RPS6KA2: variants seen among roughly 807,000 people sequenced by gnomAD.
The protein encoded by RPS6KA2 is ribosomal protein S6 kinase alpha-2.
RPS6KA2 carries 42 observed loss-of-function variants against 91.8 expected under a neutral mutation model. The observed-to-expected ratio is 0.46, with a 90% CI of 0.36 to 0.59. The LOEUF is 0.59. Ranked by LOEUF, RPS6KA2 falls within the 20% of genes least tolerant of loss-of-function variation. The probability of loss-of-function intolerance (pLI) is 0.00; values close to 1 mark genes in which losing one functional copy is unlikely to be tolerated. For synonymous variants in RPS6KA2, 414 were observed against 393.6 expected, an observed-to-expected ratio of 1.05 and a Z score of -0.61; for missense variants, 798 against 978.5, an observed-to-expected ratio of 0.82 and a Z score of 2.46.
intron 2 of RPS6KA2, among the ~76,000 whole-genome samples, chr6:166,807,933 TA>T (rs2128619685): frequency 6.6e-6 from 1 of 152,156 alleles, no homozygotes; most frequent in African/African-American, 2.4e-5. Context: ...ATAATTTAAC[TA>T]ATGAGGCAGC....
In RPS6KA2 at chr6:166,508,232, C is replaced by G. The variant is rs779800296; in HGVS notation, c.430G>C (p.Gly144Arg). 3.7e-6 allele frequency: 6 copies of G among 1,613,598 alleles called. No homozygotes were observed. Among genetic ancestry groups the G allele is most frequent in the Non-Finnish European group, 5.1e-6 (6 of 1,179,622 alleles). The change falls in exon 5 of 21, where the codon GGG (glycine) becomes CGG (arginine). Residue 144 changes from glycine (G) to arginine (R), a missense_variant. Gly to Arg is a moderately radical substitution (Grantham distance 125, BLOSUM62 -2). Coordinates refer to ENST00000265678, the MANE Select transcript of RPS6KA2 (RefSeq NM_021135.6). This position sits in a 1 kb window ranked among gnomAD's most constrained non-coding sequence, Gnocchi z 4.3. ...TTGGAGAGCCGGGTGAAGAGGTCCC[C>G]TCCCCGCAGGAAGTCCAGGATCAGG... ...LYLILDFLRG[G>R]DLFTRLSKEV...
chr6:166,592,887 A>G (rs1209142266), intron 1 of RPS6KA2, among the ~76,000 whole-genome samples: 1 of 152,222 alleles, frequency 6.6e-6, no homozygotes, highest in Non-Finnish European at 1.5e-5. Context: ...ATCATTAGAC[A>G]TCGGAGACCA....
At chr6:166,429,703 A>G (rs1315574492) in intron 16 of RPS6KA2, among the ~76,000 whole-genome samples, 1 of 152,116 alleles carries the variant, frequency 6.6e-6, no homozygotes, top group East Asian at 1.9e-4. Context: ...CACCTGCATC[A>G]GCCTCCCAAA....
In RPS6KA2 at chr6:166,760,205, C is replaced by T. The variant is rs1456444699; in HGVS notation, c.123+97995G>A. Reference sequence around the variant, plus strand: ...TCCCAGCTTAGGCAAATCAGGGGCACCTGGGGAATGGCGATTTGGAGAGAG... The same window carrying T: ...TCCCAGCTTAGGCAAATCAGGGGCATCTGGGGAATGGCGATTTGGAGAGAG... On this transcript the variant is annotated intron_variant, in intron 2 of 21. Coordinates refer to the RPS6KA2 transcript ENST00000503859. Among the ~76,000 whole-genome samples the T allele has an allele frequency of 2.0e-5, 3 of 152,218 alleles. No homozygotes were observed. In the East Asian group the frequency reaches 5.8e-4, roughly 29 times the overall value.
intron 2 of RPS6KA2, among the ~76,000 whole-genome samples, chr6:166,833,436 CCTTT>C (rs558563296): frequency 2.0e-5 from 3 of 152,340 alleles, no homozygotes; most frequent in South Asian, 4.1e-4. Context: ...GAATTCACTT[CCTTT>C]AAGTGTAGAG....
rs192650730 is a variant in RPS6KA2 at position 166,666,532 on chromosome 6, C to G, written c.124-127748G>C. Among the ~76,000 whole-genome samples, 2 of 152,150 alleles carry G rather than the reference C, an allele frequency of 1.3e-5. No individual in the cohort carries two copies. The highest frequency in any genetic ancestry group is 2.9e-5 in the Non-Finnish European group (2 of 68,024). On this transcript the variant is annotated intron_variant, in intron 2 of 21. Coordinates refer to the RPS6KA2 transcript ENST00000503859. This position sits in a 1 kb window ranked among gnomAD's most constrained non-coding sequence, Gnocchi z 4.0. ...CCAGTCACTAATCCTTAGGGAAATG[C>G]AAATCAACACCACAAGCAAATCAAC...
Position 166,749,899 on chromosome 6 carries a change from A to T in RPS6KA2, c.123+108301T>A, listed in dbSNP as rs573579104. ...TTCCTTCCCCCTTTCCACCACACAG[A>T]CTAAGGCAGGAGGCTGGGCAAGGGG... On this transcript the variant is annotated intron_variant, in intron 2 of 21. Coordinates refer to the RPS6KA2 transcript ENST00000503859. Among the ~76,000 whole-genome samples, 7 of 151,022 alleles carry T rather than the reference A, an allele frequency of 4.6e-5. No individual in the cohort carries two copies. In the East Asian group the frequency reaches 1.2e-3, roughly 26 times the overall value.
At chr6:166,539,493 G>A (rs11755127) in intron 1 of RPS6KA2, among the ~76,000 whole-genome samples, 33,146 of 152,144 alleles carry the variant, frequency 0.22, 4,005 homozygotes, top group East Asian at 0.43. Context: ...CAGACGGCTT[G>A]TCCTCCTTCT....
At chr6:166,475,145 G>A (rs1011235551) in intron 10 of RPS6KA2, among the ~76,000 whole-genome samples, 6 of 150,630 alleles carry the variant, frequency 4.0e-5, no homozygotes, top group Non-Finnish European at 8.8e-5. Flanking sequence ...CCTCTATCGT[G>A]GGATGTGCCC....
intron 1 of RPS6KA2, among the ~76,000 whole-genome samples, chr6:166,541,134 C>A (rs16899119): frequency 0.057 from 8,683 of 152,194 alleles, 870 homozygotes; most frequent in African/African-American, 0.2. Context: ...TGTGTTAATG[C>A]GACGCCCACA....
At chr6:166,504,634 C>G (rs577316960) in intron 5 of RPS6KA2, 22 bp from the exon 6 acceptor site, 2 of 1,518,336 alleles carry the variant, frequency 1.3e-6, no homozygotes, top group Non-Finnish European at 1.8e-6. Flanking sequence ...AAAACAAAAA[C>G]AAAAACAAAA....
In RPS6KA2 at chr6:166,800,367, G is replaced by T. The variant is rs1488919693; in HGVS notation, c.123+57833C>A. Among the ~76,000 whole-genome samples, 4 of 152,182 alleles carry T rather than the reference G, an allele frequency of 2.6e-5. No individual in the cohort carries two copies. The East Asian group carries it at 7.7e-4, about 29-fold the overall frequency. On this transcript the variant is annotated intron_variant, in intron 2 of 21. Coordinates refer to the RPS6KA2 transcript ENST00000503859. ...GCACAGTCTAGGGCTCTGCATTCTG[G>T]CCTCCTGCCACATCCAGGGCGCTGA... is the stretch of plus-strand genomic sequence containing the variant.
Position 166,490,181 on chromosome 6 carries a change from G to A in RPS6KA2, c.818+490C>T, listed in dbSNP as rs760875503. Among the ~76,000 whole-genome samples the A allele has an allele frequency of 1.3e-5, 2 of 152,178 alleles. No homozygotes were observed. Among genetic ancestry groups the A allele is most frequent in the African/African-American group, 2.4e-5 (1 of 41,428 alleles). ...ACATGGTAAAACGATACCGAGTCCT[G>A]CCAAGGTCAACCAGGAGTGCTATAT... On this transcript the variant is annotated intron_variant, in intron 9 of 20. Transcript: ENST00000265678. This position sits in a 1 kb window ranked among gnomAD's most constrained non-coding sequence, Gnocchi z 4.2.
In RPS6KA2 at chr6:166,508,923, C is replaced by T. The variant is rs372016188; in HGVS notation, c.380-641G>A. ...TCAGCAAGGGCCTGCCTCTGTTGAG[C>T]GGGCGCATGAGCACGGGAGGGTCTA... is the stretch of plus-strand genomic sequence containing the variant. On this transcript the variant is annotated intron_variant, in intron 4 of 20. Coordinates refer to ENST00000265678, the MANE Select transcript of RPS6KA2 (RefSeq NM_021135.6). The surrounding 1 kb of genome is among the most constrained non-coding windows in gnomAD (Gnocchi z 4.3). Among the ~76,000 whole-genome samples, 3 of 152,172 alleles carry T rather than the reference C, an allele frequency of 2.0e-5. No individual in the cohort carries two copies. The highest frequency in any genetic ancestry group is 3.9e-4 in the East Asian group (2 of 5,192).
intron 1 of RPS6KA2, among the ~76,000 whole-genome samples, chr6:166,578,829 A>G (rs1318645931): frequency 6.6e-6 from 1 of 152,216 alleles, no homozygotes; most frequent in Non-Finnish European, 1.5e-5. Flanking sequence ...CACAGAGAAA[A>G]GTGTCAATTG....
At chr6:166,682,352 G>A (rs981601308) in intron 2 of RPS6KA2, among the ~76,000 whole-genome samples, 1 of 152,230 alleles carries the variant, frequency 6.6e-6, no homozygotes, top group African/African-American at 2.4e-5. Context: ...GTCTGGCTCA[G>A]TATCCACGTT....
chr6:166,413,021 G>T, intron 20 of RPS6KA2, 134 bp from the exon 21 acceptor site: 2 of 974,616 alleles, frequency 2.1e-6, no homozygotes, highest in Non-Finnish European at 2.9e-6. Flanking sequence ...GGTCCCTGGA[G>T]CATGGAGTGC....
At chr6:166,442,322 C>T (rs561612838) in intron 14 of RPS6KA2, among the ~76,000 whole-genome samples, 31 of 152,210 alleles carry the variant, frequency 2.0e-4, no homozygotes, top group Non-Finnish European at 2.2e-4. Flanking sequence ...CGCCTTATGA[C>T]GAGTGAGTCT....
At chr6:166,760,519 T>G (rs1435800269) in intron 2 of RPS6KA2, among the ~76,000 whole-genome samples, 2 of 152,266 alleles carry the variant, frequency 1.3e-5, no homozygotes, top group African/African-American at 4.8e-5. Flanking sequence ...GGTTTGAGAC[T>G]GTGAGGACTC....
Sources: gnomAD v4.1 joint callset for allele counts (sites outside exome capture counted in the v4.1 genomes callset) on GRCh38, gnomAD v4.1.1 for gene constraint, Gnocchi (gnomAD v3.1) non-coding constraint, MANE v1.5 for transcripts, NCBI Gene and HGNC (gene_info 2026-07-23, HGNC 2026-07-21) for gene names.